ULK4: variants seen among roughly 807,000 people sequenced by gnomAD.
ULK4 encodes the protein unc-51 like kinase 4.
A neutral mutation model predicts 160.6 loss-of-function variants in ULK4; 133 were observed. That is an observed-to-expected ratio of 0.83 (90% CI 0.72 to 0.96). The LOEUF (loss-of-function observed/expected upper bound fraction) is 0.96, where lower values mean the gene tolerates loss of function less well. Ranked by LOEUF, ULK4 falls within the 40% of genes least tolerant of loss-of-function variation. ULK4 has a pLI of 0.00. For synonymous variants in ULK4, 534 were observed against 539.8 expected, an observed-to-expected ratio of 0.99 and a Z score of 0.15; for missense variants, 1,580 against 1,499.5, an observed-to-expected ratio of 1.05 and a Z score of -0.89.
chr3:41,771,626 C>A (rs1394287003), intron 21 of ULK4, among the ~76,000 whole-genome samples: 1 of 152,084 alleles, frequency 6.6e-6, no homozygotes, highest in Non-Finnish European at 1.5e-5. Context: ...CGAGTAAAAG[C>A]TACCCATGTG....
intron 23 of ULK4, among the ~76,000 whole-genome samples, chr3:41,716,606 A>G (rs1311493090): frequency 1.3e-5 from 2 of 152,136 alleles, no homozygotes; most frequent in East Asian, 1.9e-4. Context: ...CCTTGAAGAC[A>G]TTTTCATTAC....
intron 31 of ULK4, among the ~76,000 whole-genome samples, chr3:41,586,820 C>A (rs1411534825): frequency 3.3e-5 from 5 of 151,958 alleles, no homozygotes; most frequent in Admixed American, 2.0e-4. Flanking sequence ...AAAAGATGTA[C>A]TATCAATGTG....
intron 3 of ULK4, chr3:41,937,004 C>T (rs1699795262): frequency 4.0e-6 from 1 of 251,298 alleles, no homozygotes; most frequent in Non-Finnish European, 7.6e-6. Flanking sequence ...CCTGTACCAA[C>T]TATCTCATGT....
chr3:41,427,007 T>C (rs1050655306), intron 34 of ULK4, among the ~76,000 whole-genome samples: 5 of 151,470 alleles, frequency 3.3e-5, no homozygotes, highest in African/African-American at 9.7e-5. Flanking sequence ...TTAATAGATA[T>C]ACCAATAGCT....
intron 22 of ULK4, among the ~76,000 whole-genome samples, chr3:41,730,528 AC>A (rs1206380722): frequency 6.6e-6 from 1 of 152,174 alleles, no homozygotes; most frequent in Non-Finnish European, 1.5e-5. Flanking sequence ...TCAAAAATGG[AC>A]AAATGCCTGG....
chr3:41,514,745 G>C (rs551936866), intron 32 of ULK4, among the ~76,000 whole-genome samples: 13 of 152,180 alleles, frequency 8.5e-5, no homozygotes, highest in African/African-American at 3.1e-4. Flanking sequence ...TGTGGACGTA[G>C]AGTGGGATGA....
chr3:41,312,184 C>T (rs2125721336), intron 35 of ULK4, among the ~76,000 whole-genome samples: 1 of 152,034 alleles, frequency 6.6e-6, no homozygotes, highest in Middle Eastern at 3.4e-3. Context: ...CTGTATTGCT[C>T]AGGCTGGTCT....
chr3:41,340,499 C>G (rs2080659737), intron 35 of ULK4, among the ~76,000 whole-genome samples: 1 of 152,184 alleles, frequency 6.6e-6, no homozygotes. Context: ...CTACTCTTGT[C>G]TACTCTGGGC....
intron 35 of ULK4, among the ~76,000 whole-genome samples, chr3:41,374,055 T>G (rs951067772): frequency 3.3e-5 from 5 of 152,204 alleles, no homozygotes; most frequent in African/African-American, 1.2e-4. Context: ...GATAAATTCC[T>G]GGACACATAC....
chr3:41,272,301 C>T (rs1396453908), intron 35 of ULK4, among the ~76,000 whole-genome samples: 3 of 144,222 alleles, frequency 2.1e-5, no homozygotes, highest in African/African-American at 5.1e-5. Context: ...ACTTTACCTT[C>T]TGTATACCTG....
At chr3:41,786,100 C>G (rs1004529427) in intron 21 of ULK4, among the ~76,000 whole-genome samples, 1 of 152,194 alleles carries the variant, frequency 6.6e-6, no homozygotes, top group Non-Finnish European at 1.5e-5. Flanking sequence ...CACACTGCCC[C>G]TAACAGTCAC....
chr3:41,494,060 TCCTC>T lies in ULK4; in HGVS notation c.3227-30811_3227-30808del, dbSNP rs2084897299. Among the ~76,000 whole-genome samples, 5 of 125,474 alleles carry T rather than the reference TCCTC, an allele frequency of 4.0e-5. No individual in the cohort carries two copies. In the Admixed American group the frequency reaches 4.2e-4, roughly 11 times the overall value. The allele number at this position is 125,474 out of a possible 152,430, so 82.3% of individuals were successfully genotyped here. A position where few individuals can be genotyped will look rare whatever the true frequency, so the allele number is the denominator to read the frequency against. ...TTCCAATCAATAGAAAAAGAGGGAATCCTCCCTAACTCATTTTATGAGGCCAGCA... is the reference window on the plus strand; with the variant it reads ...TTCCAATCAATAGAAAAAGAGGGAATCCTAACTCATTTTATGAGGCCAGCA... On this transcript the variant is annotated intron_variant, in intron 32 of 36. Coordinates refer to ENST00000301831, the MANE Select transcript of ULK4 (RefSeq NM_017886.4).
chr3:41,405,254 C>G (rs1039080369), intron 34 of ULK4, among the ~76,000 whole-genome samples: 2 of 152,110 alleles, frequency 1.3e-5, no homozygotes, highest in Admixed American at 1.3e-4. Context: ...TGTGTTAATT[C>G]ACTTAGGATA....
intron 16 of ULK4, among the ~76,000 whole-genome samples, chr3:41,895,073 A>G (rs1486640517): frequency 6.6e-6 from 1 of 152,196 alleles, no homozygotes; most frequent in East Asian, 1.9e-4. Flanking sequence ...CTAAATTAAT[A>G]CACAGGGATC....
At chr3:41,401,426 GAACTGGT>G (rs2125818160) in intron 34 of ULK4, among the ~76,000 whole-genome samples, 2 of 152,202 alleles carry the variant, frequency 1.3e-5, no homozygotes, top group Non-Finnish European at 2.9e-5. Flanking sequence ...CATGTTTAAT[GAACTGGT>G]AACAAGAGAA....
chr3:41,542,487 T>C (rs757029014), intron 32 of ULK4, among the ~76,000 whole-genome samples: 3 of 152,170 alleles, frequency 2.0e-5, no homozygotes, highest in Non-Finnish European at 4.4e-5. Context: ...TTTTCTTTTT[T>C]TGTTTTGTCT....
At chr3:41,552,556 C>T (rs145207164) in intron 32 of ULK4, among the ~76,000 whole-genome samples, 1 of 151,688 alleles carries the variant, frequency 6.6e-6, no homozygotes, top group East Asian at 1.9e-4. Context: ...AGGTAAAATA[C>T]CTCTAAAAGG....
chr3:41,731,993 T>C (rs2037842852), intron 22 of ULK4, among the ~76,000 whole-genome samples: 1 of 152,138 alleles, frequency 6.6e-6, no homozygotes, highest in Non-Finnish European at 1.5e-5. Context: ...CAAAATGGAC[T>C]GAAGACTTAA....
chr3:41,846,806 C>CAAAAA (rs35308076), intron 17 of ULK4, among the ~76,000 whole-genome samples: 84 of 98,972 alleles, frequency 8.5e-4, no homozygotes, highest in South Asian at 5.4e-3. Context: ...CTCTCTCTCT[C>CAAAAA]AAAAAAAAAA....
Sources: allele counts gnomAD v4.1 joint callset (sites outside exome capture counted in the v4.1 genomes callset), GRCh38; gene constraint gnomAD v4.1.1; transcripts MANE v1.5; gene names NCBI Gene and HGNC (gene_info 2026-07-23, HGNC 2026-07-21).